The following TSHZ2 variants were observed in gnomAD, a reference collection of about 807,000 sequenced individuals.
TSHZ2 encodes teashirt homolog 2.
Under a neutral mutation model 74.4 loss-of-function variants are expected in TSHZ2, and 21 were observed. The observed-to-expected ratio is 0.28, with a 90% CI of 0.20 to 0.41. The LOEUF is 0.41. Ranked by LOEUF, TSHZ2 falls within the 10% of genes least tolerant of loss-of-function variation. The pLI is 1.00. For missense variants in TSHZ2, 1,244 were observed against 1,293.5 expected, an observed-to-expected ratio of 0.96 and a Z score of 0.59; for synonymous variants, 540 against 515.3, an observed-to-expected ratio of 1.05 and a Z score of -0.65.
chr20:53,435,898 A>T (rs1167486060), intron 2 of TSHZ2, among the ~76,000 whole-genome samples: 1 of 152,202 alleles, frequency 6.6e-6, no homozygotes, highest in African/African-American at 2.4e-5. Context: ...TTAGTAAGTT[A>T]TTTATCACCC....
intron 1 of TSHZ2, among the ~76,000 whole-genome samples, chr20:53,045,021 C>G (rs1180439786): frequency 1.3e-5 from 2 of 152,140 alleles, no homozygotes; most frequent in Non-Finnish European, 2.9e-5. Context: ...AAAATTAATT[C>G]TCATATTTGT....
chr20:53,006,273 T>G (rs530634615), intron 1 of TSHZ2, among the ~76,000 whole-genome samples: 1 of 152,354 alleles, frequency 6.6e-6, no homozygotes, highest in African/African-American at 2.4e-5. Flanking sequence ...GCAAGAGTAG[T>G]TATTAAACAG....
At chr20:53,280,537 A>G (rs1336323349) in intron 2 of TSHZ2, among the ~76,000 whole-genome samples, 5 of 152,216 alleles carry the variant, frequency 3.3e-5, no homozygotes, top group African/African-American at 7.2e-5. Context: ...CACCACCTAC[A>G]TGGAGCTAGC....
At chr20:53,042,349 G>A (rs915307011) in intron 1 of TSHZ2, among the ~76,000 whole-genome samples, 10 of 152,172 alleles carry the variant, frequency 6.6e-5, no homozygotes, top group South Asian at 4.2e-4. Flanking sequence ...ACATTTTGGC[G>A]TTACTTTTTC....
intron 1 of TSHZ2, among the ~76,000 whole-genome samples, chr20:53,053,718 CATA>C (rs1984554967): frequency 6.6e-6 from 1 of 152,134 alleles, no homozygotes. Flanking sequence ...ATAGCGCATA[CATA>C]AAACATTTTT....
intron 1 of TSHZ2, among the ~76,000 whole-genome samples, chr20:53,011,382 T>C (rs1982843871): frequency 6.6e-6 from 1 of 152,214 alleles, no homozygotes; most frequent in Admixed American, 6.5e-5. Context: ...TTATTTCCAA[T>C]GTAACAGTGG....
intron 1 of TSHZ2, among the ~76,000 whole-genome samples, chr20:53,204,263 G>GAT (rs1322429525): frequency 9.4e-6 from 1 of 106,008 alleles, no homozygotes. Flanking sequence ...ATGATGATAT[G>GAT]ATACTATATC....
intron 1 of TSHZ2, among the ~76,000 whole-genome samples, chr20:53,199,958 C>T (rs148769070): frequency 2.2e-4 from 34 of 152,194 alleles, no homozygotes; most frequent in African/African-American, 6.5e-4. Context: ...CACACATCCA[C>T]GCGGTACCTT....
At chr20:53,474,301 C>T (rs6063952) in intron 2 of TSHZ2, among the ~76,000 whole-genome samples, 157 of 132,798 alleles carry the variant, frequency 1.2e-3, no homozygotes, top group African/African-American at 3.2e-3. Flanking sequence ...AGACTAACAG[C>T]GGATCTCTCA....
chr20:53,404,572 A>T (rs998932263), intron 2 of TSHZ2, among the ~76,000 whole-genome samples: 1 of 152,162 alleles, frequency 6.6e-6, no homozygotes, highest in African/African-American at 2.4e-5. Flanking sequence ...ACAAATTCCT[A>T]TCTCCCCATG....
chr20:53,157,420 T>TTTTTTA, intron 1 of TSHZ2, among the ~76,000 whole-genome samples: 1 of 151,540 alleles, frequency 6.6e-6, no homozygotes, highest in South Asian at 2.1e-4. Flanking sequence ...TTTTTTTTTT[T>TTTTTTA]TTTAGAGACA....
At chr20:53,260,796 C>A (rs1321153858) in intron 2 of TSHZ2, among the ~76,000 whole-genome samples, 1 of 152,180 alleles carries the variant, frequency 6.6e-6, no homozygotes, top group East Asian at 1.9e-4. Context: ...AAAGCAAGTT[C>A]TAGGTAGAGC....
At chr20:53,101,514 G>T (rs1359243489) in intron 1 of TSHZ2, among the ~76,000 whole-genome samples, 1 of 152,052 alleles carries the variant, frequency 6.6e-6, no homozygotes, top group Non-Finnish European at 1.5e-5. Context: ...TAAGTTTAAA[G>T]AATAAATACA....
chr20:53,333,111 T>C (rs1014573876), intron 2 of TSHZ2, among the ~76,000 whole-genome samples: 15 of 152,224 alleles, frequency 9.9e-5, no homozygotes, highest in African/African-American at 3.4e-4. Context: ...TCATTTGTCC[T>C]GCTCACTCTT....
intron 2 of TSHZ2, among the ~76,000 whole-genome samples, chr20:53,436,707 G>A (rs1422903611): frequency 2.6e-5 from 4 of 151,224 alleles, no homozygotes; most frequent in East Asian, 1.9e-4. Context: ...CACCACGTCC[G>A]GCTAATTTTT....
intron 2 of TSHZ2, among the ~76,000 whole-genome samples, chr20:53,336,251 G>C (rs1330522330): frequency 1.3e-5 from 2 of 152,284 alleles, no homozygotes; most frequent in East Asian, 3.9e-4. Flanking sequence ...TGCCAAGAAA[G>C]GCTGAGAAAT....
intron 2 of TSHZ2, among the ~76,000 whole-genome samples, chr20:53,448,128 T>C (rs374537425): frequency 6.6e-6 from 1 of 152,124 alleles, no homozygotes; most frequent in Non-Finnish European, 1.5e-5. Flanking sequence ...TTAGCCAGGA[T>C]GGTCTCGATC....
chr20:53,053,599 A>ATT (rs149243820), intron 1 of TSHZ2, among the ~76,000 whole-genome samples: 32 of 131,940 alleles, frequency 2.4e-4, no homozygotes, highest in Non-Finnish European at 3.9e-4. Flanking sequence ...ATATATATAT[A>ATT]TTTTTCTCGA....
At chr20:53,185,641 A>G (rs1256550401) in intron 1 of TSHZ2, 3 of 1,535,888 alleles carry the variant, frequency 2.0e-6, no homozygotes, top group Non-Finnish European at 8.7e-7. Context: ...AAAAAGAAAG[A>G]AAAGATGATG....
Sources: allele counts gnomAD v4.1 joint callset (sites outside exome capture counted in the v4.1 genomes callset), GRCh38; gene constraint gnomAD v4.1.1; transcripts MANE v1.5; gene names NCBI Gene and HGNC (gene_info 2026-07-23, HGNC 2026-07-21).